DCC: variants seen among roughly 807,000 people sequenced by gnomAD.
DCC encodes the protein DCC netrin 1 receptor, also known as netrin receptor DCC.
Under a neutral mutation model 172.5 loss-of-function variants are expected in DCC, and 58 were observed. The ratio of observed to expected loss-of-function variants is 0.34; its 90% CI spans 0.27 to 0.42. DCC has a LOEUF of 0.42. Among genes scored for constraint, DCC ranks in the 10% least tolerant of loss-of-function variants. The probability of loss-of-function intolerance (pLI) is 1.00; values close to 1 mark genes in which losing one functional copy is unlikely to be tolerated. For synonymous variants in DCC, 709 were observed against 644.5 expected, an observed-to-expected ratio of 1.10 and a Z score of -1.52; for missense variants, 1,740 against 1,791.0, an observed-to-expected ratio of 0.97 and a Z score of 0.51.
intron 1 of DCC, among the ~76,000 whole-genome samples, chr18:52,418,033 G>A (rs894634445): frequency 2.0e-5 from 3 of 152,158 alleles, no homozygotes; most frequent in African/African-American, 7.2e-5. Flanking sequence ...GATTGAGGAA[G>A]ATCTAAAAGA....
chr18:52,628,769 T>C (rs375281453), intron 1 of DCC, among the ~76,000 whole-genome samples: 6 of 152,338 alleles, frequency 3.9e-5, no homozygotes, highest in African/African-American at 1.4e-4. Flanking sequence ...GCTGGTGTTA[T>C]TCTTTGGAAG....
At chr18:52,937,289 G>A (rs2040395129) in intron 5 of DCC, among the ~76,000 whole-genome samples, 2 of 152,098 alleles carry the variant, frequency 1.3e-5, no homozygotes, top group African/African-American at 4.8e-5. Context: ...CAGTGAATGA[G>A]TTTTTCTTCT....
intron 1 of DCC, among the ~76,000 whole-genome samples, chr18:52,559,100 TTTTTG>T (rs375523084): frequency 0.068 from 10,272 of 152,104 alleles, 429 homozygotes; most frequent in Middle Eastern, 0.099. Context: ...AAGACAGGTT[TTTTTG>T]TTTTGTTTTG....
At chr18:52,821,728 A>G (rs181259841) in intron 2 of DCC, among the ~76,000 whole-genome samples, 15 of 152,342 alleles carry the variant, frequency 9.8e-5, no homozygotes, top group Admixed American at 9.8e-4. Flanking sequence ...TTCTGTATGT[A>G]TCTGTTTGCT....
chr18:52,504,731 C>T (rs1397568367), intron 1 of DCC, among the ~76,000 whole-genome samples: 1 of 151,936 alleles, frequency 6.6e-6, no homozygotes, highest in Non-Finnish European at 1.5e-5. Flanking sequence ...TCCTGCTTCC[C>T]CCCTCAACTT....
chr18:52,744,045 A>G (rs2036868718), intron 1 of DCC, among the ~76,000 whole-genome samples: 1 of 152,316 alleles, frequency 6.6e-6, no homozygotes, highest in East Asian at 1.9e-4. Context: ...TACTTTAGCT[A>G]TGGTCTTAAG....
intron 15 of DCC, among the ~76,000 whole-genome samples, chr18:53,370,749 C>G (rs2058052885): frequency 1.3e-5 from 2 of 151,836 alleles, no homozygotes; most frequent in African/African-American, 4.8e-5. Context: ...TTATCTCTCA[C>G]TATGCATTGA....
chr18:53,035,010 C>T (rs191407755), intron 5 of DCC, among the ~76,000 whole-genome samples: 123 of 152,168 alleles, frequency 8.1e-4, no homozygotes, highest in Middle Eastern at 6.8e-3. Flanking sequence ...GTACTTTTTG[C>T]ATCACTTGTT....
chr18:52,998,562 A>G (rs1260529280), intron 5 of DCC, among the ~76,000 whole-genome samples: 1 of 152,058 alleles, frequency 6.6e-6, no homozygotes. Flanking sequence ...GGACTCCAGT[A>G]TAATGGATCC....
chr18:53,216,968 G>C (rs2055861444), intron 12 of DCC, among the ~76,000 whole-genome samples: 1 of 152,028 alleles, frequency 6.6e-6, no homozygotes, highest in South Asian at 2.1e-4. Flanking sequence ...TGTTGTTAAT[G>C]AATGAAATTT....
intron 23 of DCC, among the ~76,000 whole-genome samples, chr18:53,456,359 C>G (rs1430346714): frequency 1.3e-5 from 2 of 152,088 alleles, no homozygotes; most frequent in African/African-American, 4.8e-5. Flanking sequence ...TGGGAGGGTT[C>G]TTTGTTTGCC....
chr18:53,171,813 C>A (rs1047347152), intron 8 of DCC, among the ~76,000 whole-genome samples: 1 of 150,936 alleles, frequency 6.6e-6, no homozygotes. Flanking sequence ...CAAATCAAAA[C>A]CAAAATGAAA....
chr18:52,807,892 A>G (rs1378950508), intron 2 of DCC, among the ~76,000 whole-genome samples: 1 of 152,190 alleles, frequency 6.6e-6, no homozygotes, highest in Non-Finnish European at 1.5e-5. Flanking sequence ...TCTCTCCTGG[A>G]TACATATGGG....
chr18:52,638,969 C>T (rs2144895769), intron 1 of DCC, among the ~76,000 whole-genome samples: 1 of 152,208 alleles, frequency 6.6e-6, no homozygotes, highest in African/African-American at 2.4e-5. Flanking sequence ...CTCTCTCAGA[C>T]CACAGTGGAA....
At chr18:53,318,622 C>A (rs1389164100) in intron 13 of DCC, among the ~76,000 whole-genome samples, 1 of 152,102 alleles carries the variant, frequency 6.6e-6, no homozygotes, top group Non-Finnish European at 1.5e-5. Context: ...GTCGAAGTCT[C>A]TTTGTAGGTC....
intron 1 of DCC, among the ~76,000 whole-genome samples, chr18:52,427,838 TCC>T: frequency 5.6e-5 from 3 of 53,302 alleles, no homozygotes; most frequent in Middle Eastern, 0.02. Flanking sequence ...CTTCCTTTCT[TCC>T]TTCCTTCCTT....
At chr18:52,863,982 G>A (rs1358335833) in intron 2 of DCC, among the ~76,000 whole-genome samples, 1 of 152,016 alleles carries the variant, frequency 6.6e-6, no homozygotes, top group African/African-American at 2.4e-5. Context: ...AACTTAAAAA[G>A]CATTTAGGTT....
At chr18:52,536,671 A>G (rs2032298450) in intron 1 of DCC, among the ~76,000 whole-genome samples, 1 of 152,060 alleles carries the variant, frequency 6.6e-6, no homozygotes, top group Admixed American at 6.6e-5. Context: ...AACCTTCCAA[A>G]ATGAGTTTGG....
intron 27 of DCC, among the ~76,000 whole-genome samples, chr18:53,511,351 C>T (rs369245782): frequency 3.3e-5 from 5 of 152,238 alleles, no homozygotes; most frequent in African/African-American, 9.6e-5. Context: ...TAGCTGTAAA[C>T]TGAAACAGAC....
Sources: allele counts gnomAD v4.1 joint callset (sites outside exome capture counted in the v4.1 genomes callset), GRCh38; gene constraint gnomAD v4.1.1; transcripts MANE v1.5; gene names NCBI Gene and HGNC (gene_info 2026-07-23, HGNC 2026-07-21).